COX10: variants seen among roughly 807,000 people sequenced by gnomAD.
COX10 encodes cytochrome c oxidase assembly factor heme A:farnesyltransferase COX10, also known as protoheme IX farnesyltransferase, mitochondrial.
Under a neutral mutation model 37.3 loss-of-function variants are expected in COX10, and 27 were observed. The ratio of observed to expected loss-of-function variants is 0.72; its 90% CI spans 0.53 to 1.00. The LOEUF is 1.00. Ranked by LOEUF, COX10 falls within the 50% of genes least tolerant of loss-of-function variation. The probability of loss-of-function intolerance (pLI) is 0.00; values close to 1 mark genes in which losing one functional copy is unlikely to be tolerated. For missense variants in COX10, 475 were observed against 563.2 expected, an observed-to-expected ratio of 0.84 and a Z score of 1.59; for synonymous variants, 222 against 229.1, an observed-to-expected ratio of 0.97 and a Z score of 0.28.
At chr17:14,168,041 A>T (rs1313400261) in intron 5 of COX10, among the ~76,000 whole-genome samples, 2 of 152,228 alleles carry the variant, frequency 1.3e-5, no homozygotes, top group Non-Finnish European at 2.9e-5. Context: ...CCTTTCACCT[A>T]TGAGCCTATA....
chr17:14,184,483 C>T (rs901533389), intron 5 of COX10, among the ~76,000 whole-genome samples: 9 of 152,014 alleles, frequency 5.9e-5, no homozygotes, highest in African/African-American at 2.2e-4. Flanking sequence ...TACAGTGGAC[C>T]CTCAACATAC....
chr17:14,108,592 G>C (rs981490437), intron 4 of COX10, among the ~76,000 whole-genome samples: 2 of 152,018 alleles, frequency 1.3e-5, no homozygotes, highest in African/African-American at 4.8e-5. Context: ...AGATCAAGAG[G>C]TGTGAATAAA....
chr17:14,121,558 A>C (rs1228855158), intron 4 of COX10, among the ~76,000 whole-genome samples: 1 of 152,170 alleles, frequency 6.6e-6, no homozygotes, highest in Non-Finnish European at 1.5e-5. Flanking sequence ...CATGGGGCAA[A>C]TTACTTTTCT....
intron 4 of COX10, among the ~76,000 whole-genome samples, chr17:14,141,762 C>A (rs1035077566): frequency 6.6e-6 from 1 of 151,916 alleles, no homozygotes; most frequent in African/African-American, 2.4e-5. Flanking sequence ...TTTACCTTTT[C>A]ATTTGTTATG....
chr17:14,086,955 T>G (rs1169805022), intron 3 of COX10, among the ~76,000 whole-genome samples: 1 of 152,236 alleles, frequency 6.6e-6, no homozygotes, highest in Non-Finnish European at 1.5e-5. Context: ...TTTTGTTCCA[T>G]CTATTTATTA....
At chr17:14,084,492 C>A (rs1191548801) in intron 3 of COX10, among the ~76,000 whole-genome samples, 1 of 152,002 alleles carries the variant, frequency 6.6e-6, no homozygotes, top group Non-Finnish European at 1.5e-5. Flanking sequence ...AATATACGAT[C>A]GTAGCGTAAA....
chr17:14,090,939 C>T lies in COX10; in HGVS notation c.500-11179C>T, dbSNP rs112440633. Among the ~76,000 whole-genome samples the T allele has an allele frequency of 1.2e-3, 187 of 152,236 alleles. 1 individual carries two copies. Among genetic ancestry groups the T allele is most frequent in the African/African-American group, 4.2e-3 (173 of 41,554 alleles). ...CGGTGCCTTGCAAATAATAGGTGCTCAAAAAATAGTAGCTCAATGGAGAAA... is the reference window on the plus strand; with the variant it reads ...CGGTGCCTTGCAAATAATAGGTGCTTAAAAAATAGTAGCTCAATGGAGAAA... On this transcript the variant is annotated intron_variant, in intron 3 of 6. Transcript: ENST00000261643.
chr17:14,132,007 A>G (rs1033660496), intron 4 of COX10, among the ~76,000 whole-genome samples: 2 of 152,008 alleles, frequency 1.3e-5, no homozygotes, highest in African/African-American at 4.8e-5. Flanking sequence ...CATTGTTGTC[A>G]TATATATCTT....
intron 4 of COX10, among the ~76,000 whole-genome samples, chr17:14,129,244 T>C (rs1916411701): frequency 1.3e-5 from 2 of 151,966 alleles, no homozygotes; most frequent in South Asian, 4.1e-4. Flanking sequence ...GTTTAAATTT[T>C]AGTTCACAGA....
chr17:14,080,310 G>A lies in COX10; in HGVS notation c.499+3254G>A, dbSNP rs112982312. Among the ~76,000 whole-genome samples the A allele has an allele frequency of 2.3e-3, 315 of 136,520 alleles. 1 individual carries two copies. The highest frequency in any genetic ancestry group is 8.1e-3 in the African/African-American group (296 of 36,556). 89.6% of individuals were successfully genotyped at this position (136,520 alleles called of 152,430 possible). On this transcript the variant is annotated intron_variant, in intron 3 of 6. Transcript: ENST00000261643. ...GAGATCTCAGCTCACTGCAAGCTCC[G>A]CCTCCCGGGTTCACATCATTCTCCT... is the stretch of plus-strand genomic sequence containing the variant.
At chr17:14,175,433 G>A (rs1171752556) in intron 5 of COX10, among the ~76,000 whole-genome samples, 1 of 151,734 alleles carries the variant, frequency 6.6e-6, no homozygotes, top group Non-Finnish European at 1.5e-5. Flanking sequence ...CTGAGGCTCT[G>A]TTTCCTCGCC....
At chr17:14,166,424 A>T (rs1198623015) in intron 5 of COX10, among the ~76,000 whole-genome samples, 2 of 152,200 alleles carry the variant, frequency 1.3e-5, no homozygotes, top group African/African-American at 2.4e-5. Context: ...TCTGATTGCA[A>T]CATGGTTTAC....
chr17:14,087,663 G>A (rs982850718), intron 3 of COX10, among the ~76,000 whole-genome samples: 6 of 151,888 alleles, frequency 4.0e-5, no homozygotes, highest in Non-Finnish European at 5.9e-5. Context: ...CACAACAAAC[G>A]AGGGAACTTT....
At chr17:14,069,839 A>G (rs1567583939) in intron 1 of COX10, among the ~76,000 whole-genome samples, 191 bp downstream of exon 1, 1 of 152,162 alleles carries the variant, frequency 6.6e-6, no homozygotes, top group Non-Finnish European at 1.5e-5. Context: ...CCAGTCTTGC[A>G]CTGTGGCTTT....
At chr17:14,070,224 C>T (rs1914985372) in intron 1 of COX10, among the ~76,000 whole-genome samples, 1 of 152,170 alleles carries the variant, frequency 6.6e-6, no homozygotes, top group South Asian at 2.1e-4. Flanking sequence ...TTCCTTGACT[C>T]TTGGTAATGG....
At chr17:14,083,473 A>G (rs1597493877) in intron 3 of COX10, among the ~76,000 whole-genome samples, 1 of 152,204 alleles carries the variant, frequency 6.6e-6, no homozygotes, top group Admixed American at 6.5e-5. Context: ...GTCAGTGATC[A>G]CTTTCATAGA....
intron 5 of COX10, among the ~76,000 whole-genome samples, chr17:14,185,228 C>T (rs190862538): frequency 0.083 from 12,405 of 149,238 alleles, 588 homozygotes; most frequent in Middle Eastern, 0.12. Context: ...TGCCTGTGTG[C>T]GTCTCCAGGC....
intron 5 of COX10, among the ~76,000 whole-genome samples, chr17:14,189,309 T>C (rs1457566969): frequency 1.3e-5 from 2 of 152,210 alleles, no homozygotes; most frequent in African/African-American, 4.8e-5. Flanking sequence ...TTGGTCCACT[T>C]AAATCAGGGC....
rs1398747207 is a variant in COX10, at chr17:14,207,012, C to T, written c.1131C>T (p.Thr377=). Residue 377 remains threonine (T), a synonymous_variant, in exon 7 of 7, where the codon ACC becomes ACT. Coordinates refer to ENST00000261643, the MANE Select transcript of COX10 (RefSeq NM_001303.4). ...LSAAAPVLDI[T]TWTFPIMALP... Reference sequence around the variant, plus strand: ...CAGCAGCCCCTGTGCTGGACATCACCACATGGACCTTCCCCATCATGGCCC... The same window carrying T: ...CAGCAGCCCCTGTGCTGGACATCACTACATGGACCTTCCCCATCATGGCCC... 3.7e-6 allele frequency: 6 copies of T among 1,613,972 alleles called. No individual in the cohort carries two copies. The highest frequency in any genetic ancestry group is 2.2e-5 in the East Asian group (1 of 44,874).
Sources: gnomAD v4.1 joint callset for allele counts (sites outside exome capture counted in the v4.1 genomes callset) on GRCh38, gnomAD v4.1.1 for gene constraint, MANE v1.5 for transcripts, NCBI Gene and HGNC (gene_info 2026-07-23, HGNC 2026-07-21) for gene names.